EPHA6: variants seen among roughly 807,000 people sequenced by gnomAD.
The protein encoded by EPHA6 is EPH receptor A6.
EPHA6 carries 50 observed loss-of-function variants against 112.0 expected under a neutral mutation model. The ratio of observed to expected loss-of-function variants is 0.45; its 90% confidence interval spans 0.36 to 0.56. The LOEUF (loss-of-function observed/expected upper bound fraction) is 0.56, where lower values mean the gene tolerates loss of function less well. EPHA6 is among the 20% of genes least tolerant of loss of function. The pLI is 0.00. For missense variants in EPHA6, 1,280 were observed against 1,417.4 expected, an observed-to-expected ratio of 0.90 and a Z score of 1.56; for synonymous variants, 529 against 490.7, an observed-to-expected ratio of 1.08 and a Z score of -1.03.
intron 3 of EPHA6, among the ~76,000 whole-genome samples, chr3:97,174,688 T>C (rs2076788099): frequency 6.6e-6 from 1 of 151,894 alleles, no homozygotes; most frequent in African/African-American, 2.4e-5. Flanking sequence ...TTGCCATGTG[T>C]ATGTCCTCTA....
chr3:96,898,379 T>A (rs1025894054), intron 2 of EPHA6, among the ~76,000 whole-genome samples: 1 of 152,160 alleles, frequency 6.6e-6, no homozygotes, highest in East Asian at 1.9e-4. Context: ...AGAAGAAATA[T>A]GTCTTAGCGT....
chr3:97,474,274 T>C (rs1178913947), intron 7 of EPHA6, among the ~76,000 whole-genome samples: 1 of 151,920 alleles, frequency 6.6e-6, no homozygotes, highest in Non-Finnish European at 1.5e-5. Flanking sequence ...CTTTATTTGA[T>C]CCAATTTTCT....
At chr3:96,922,702 CATAG>C (rs2039831457) in intron 2 of EPHA6, among the ~76,000 whole-genome samples, 1 of 151,782 alleles carries the variant, frequency 6.6e-6, no homozygotes, top group Non-Finnish European at 1.5e-5. Flanking sequence ...GGGTTTGTTA[CATAG>C]ATAAACATGT....
At chr3:97,665,185 C>T (rs1294790149) in intron 14 of EPHA6, among the ~76,000 whole-genome samples, 6 of 152,154 alleles carry the variant, frequency 3.9e-5, no homozygotes, top group African/African-American at 1.2e-4. Flanking sequence ...ACTATCTGAT[C>T]TTTGACAAAC....
intron 1 of EPHA6, among the ~76,000 whole-genome samples, chr3:96,827,224 T>C (rs1347670978): frequency 6.6e-6 from 1 of 152,058 alleles, no homozygotes; most frequent in African/African-American, 2.4e-5. Context: ...TCTGAGAAAG[T>C]TTTTCTTGAG....
rs144069496 is a variant in EPHA6 at position 97,231,951 on chromosome 3, A to T, written c.1270+5532A>T. 3.5e-4 allele frequency among the ~76,000 whole-genome samples: 53 copies of T among 152,222 alleles called. No individual in the cohort carries two copies. In the East Asian group the frequency reaches 0.01, roughly 29 times the overall value. On this transcript the variant is annotated intron_variant, in intron 4 of 17. Coordinates refer to ENST00000389672, the MANE Select transcript of EPHA6 (RefSeq NM_001080448.3). ...GAAGTTCCCTTAAACAAATAAAGAA[A>T]CTTCAGAGAAATCTCCTATTTGTGC... is the stretch of plus-strand genomic sequence containing the variant.
At position 97,038,276 on chromosome 3, in the gene EPHA6, T is replaced by C. The variant is rs183769819; in HGVS notation, c.1114+50283T>C. Among the ~76,000 whole-genome samples the C allele has an allele frequency of 1.6e-4, 25 of 152,122 alleles. 1 individual carries two copies. Among genetic ancestry groups the C allele is most frequent in the African/African-American group, 5.5e-4 (23 of 41,484 alleles). ...TTATTTCTTTTATCACAGTGTTTGT[T>C]GTTGCAGATTAATCAATCCCTCTTC... On this transcript the variant is annotated intron_variant, in intron 3 of 17. Coordinates refer to ENST00000389672, the MANE Select transcript of EPHA6 (RefSeq NM_001080448.3).
rs556185287 is a variant in EPHA6, at chr3:97,396,800, T to G, written c.1607-8350T>G. On this transcript the variant is annotated intron_variant, in intron 5 of 17. Coordinates refer to ENST00000389672, the MANE Select transcript of EPHA6 (RefSeq NM_001080448.3). ...ATATACATGGTATAAAATAAGTATT[T>G]AATAAAAATATTGTCTTGAGAGCAA... 3.7e-3 allele frequency among the ~76,000 whole-genome samples: 555 copies of G among 151,896 alleles called. 2 individuals are homozygous for G. The highest frequency in any genetic ancestry group is 0.012 in the African/African-American group (518 of 41,510).
At chr3:97,312,847 A>C (rs150896336) in intron 5 of EPHA6, among the ~76,000 whole-genome samples, 135 of 151,560 alleles carry the variant, frequency 8.9e-4, no homozygotes, top group South Asian at 1.7e-3. Context: ...ATTTTATTTC[A>C]GGAAGAAACT....
intron 6 of EPHA6, among the ~76,000 whole-genome samples, chr3:97,413,223 G>A (rs980555411): frequency 6.6e-6 from 1 of 151,886 alleles, no homozygotes; most frequent in Non-Finnish European, 1.5e-5. Context: ...TCCTACTTTT[G>A]AAAGCCTGTA....
At chr3:97,534,242 A>C (rs780430458) in intron 11 of EPHA6, among the ~76,000 whole-genome samples, 4 of 152,138 alleles carry the variant, frequency 2.6e-5, no homozygotes, top group Non-Finnish European at 5.9e-5. Context: ...CACATTCAAT[A>C]ATATTCTTTA....
rs1487646154 is a variant in EPHA6, at chr3:97,751,671, G to C, written c.*2970G>C. On this transcript the variant is annotated 3_prime_UTR_variant, in exon 18 of 18. Transcript: ENST00000389672. ...TTGAGACTTACTAGTGTAAATTTTA[G>C]GTAATTAAATCTGTTTAATATGCAA... Among the ~76,000 whole-genome samples the C allele has an allele frequency of 6.6e-6, 1 of 151,862 alleles. No homozygotes were observed. The highest frequency in any genetic ancestry group is 1.9e-4 in the East Asian group (1 of 5,186).
chr3:97,654,831 A>G (rs1256972986), intron 14 of EPHA6, among the ~76,000 whole-genome samples: 1 of 151,802 alleles, frequency 6.6e-6, no homozygotes, highest in Non-Finnish European at 1.5e-5. Context: ...TAGAAATTAT[A>G]TTCTATCTAC....
At chr3:97,289,866 G>T (rs1198615763) in intron 5 of EPHA6, among the ~76,000 whole-genome samples, 2 of 151,966 alleles carry the variant, frequency 1.3e-5, no homozygotes, top group Middle Eastern at 6.3e-3. Context: ...TTGGCTCTCG[G>T]CTAGTGGTCT....
intron 3 of EPHA6, among the ~76,000 whole-genome samples, chr3:97,225,201 C>G (rs187593163): frequency 0.011 from 1,705 of 152,224 alleles, 19 homozygotes; most frequent in Non-Finnish European, 0.018. Flanking sequence ...GTGATCAGCC[C>G]GCCTCGGCCT....
intron 5 of EPHA6, among the ~76,000 whole-genome samples, chr3:97,290,439 A>G (rs1325180548): frequency 6.6e-6 from 1 of 152,114 alleles, no homozygotes; most frequent in Admixed American, 6.5e-5. Flanking sequence ...TTTTCTCTAA[A>G]TGTCTATTAG....
intron 5 of EPHA6, among the ~76,000 whole-genome samples, chr3:97,284,739 A>C (rs2080407667): frequency 6.6e-6 from 1 of 152,184 alleles, no homozygotes; most frequent in African/African-American, 2.4e-5. Flanking sequence ...GACAGTTGCT[A>C]TTAAGGTGGG....
intron 1 of EPHA6, among the ~76,000 whole-genome samples, chr3:96,863,509 AT>A (rs1172696765): frequency 1.3e-5 from 2 of 152,004 alleles, no homozygotes. Flanking sequence ...TTGGAATCTT[AT>A]TTTTTTAAAG....
At chr3:97,168,947 G>T (rs1248491606) in intron 3 of EPHA6, among the ~76,000 whole-genome samples, 1 of 152,294 alleles carries the variant, frequency 6.6e-6, no homozygotes, top group South Asian at 2.1e-4. Context: ...ATGAGGAAAA[G>T]TTTGGAACTA....
Sources: allele counts gnomAD v4.1 joint callset (sites outside exome capture counted in the v4.1 genomes callset), GRCh38; gene constraint gnomAD v4.1.1; transcripts MANE v1.5; gene names NCBI Gene and HGNC (gene_info 2026-07-23, HGNC 2026-07-21).